The following ARFGEF1 variants were observed in gnomAD, a reference collection of about 807,000 sequenced individuals.
ARFGEF1 encodes the protein brefeldin A-inhibited guanine nucleotide-exchange protein 1.
ARFGEF1 carries 42 observed loss-of-function variants against 231.0 expected under a neutral mutation model. The observed-to-expected ratio is 0.18, with a 90% CI of 0.14 to 0.24. The LOEUF is 0.24. Ranked by LOEUF, ARFGEF1 falls within the 10% of genes least tolerant of loss-of-function variation. ARFGEF1 has a pLI of 1.00. For missense variants in ARFGEF1, 1,345 were observed against 2,192.0 expected (o/e 0.61, Z 7.72); for synonymous variants, 710 against 732.3 (o/e 0.97, Z 0.49).
rs116707564 is a variant in ARFGEF1, at chr8:67,296,599, A to G, written c.471T>C (p.Thr157=). 3.0e-4 allele frequency: 475 copies of G among 1,603,702 alleles called. 2 individuals carry two copies. In the African/African-American group the frequency reaches 5.4e-3, roughly 18 times the overall value. The change falls in exon 5 of 39, where the codon ACT becomes ACC. Residue 157 remains threonine (T), a synonymous_variant. Transcript: ENST00000262215. The stretch of plus-strand genomic sequence containing the variant: ...TTTCTATGTGTTGTGATGTTACTGC[A>G]GTAAGTAAAGCCTTTAAGAAAAAAA... ...VQLQIIKALL[T]AVTSQHIEIH...
In ARFGEF1 at chr8:67,198,744, T is replaced by A; in HGVS notation, c.*190A>T. The A allele has an allele frequency of 1.4e-6, 2 of 1,380,758 alleles. No individual in the cohort carries two copies. The highest frequency in any genetic ancestry group is 1.9e-6 in the Non-Finnish European group (2 of 1,070,778). 85.5% of individuals were successfully genotyped at this position (1,380,758 alleles called of 1,614,324 possible). A position where few individuals can be genotyped will look rare whatever the true frequency, so the allele number is the denominator to read the frequency against. On this transcript the variant is annotated 3_prime_UTR_variant, in exon 39 of 39. Transcript: ENST00000262215. ...CTTTCTGCTCAACATGAGGCCAATA[T>A]AACACACAAAATCCACCAGCACTAA...
At chr8:67,338,040 ATATTTCCCCAAAT>A (rs1346822237) in intron 1 of ARFGEF1, among the ~76,000 whole-genome samples, 1 of 152,224 alleles carries the variant, frequency 6.6e-6, no homozygotes, top group East Asian at 1.9e-4. Context: ...ATTATGACAA[ATATTTCCCCAAAT>A]TATTTCCCAT....
At chr8:67,197,280 C>CT (rs1480476035), downstream of ARFGEF1, among the ~76,000 whole-genome samples, 1 of 151,210 alleles carries the variant, frequency 6.6e-6, no homozygotes, top group Non-Finnish European at 1.5e-5. Flanking sequence ...GATCCCATCT[C>CT]TAAAAAAAAA....
At chr8:67,192,803 C>T (rs187200769), downstream of ARFGEF1, among the ~76,000 whole-genome samples, 195 of 151,406 alleles carry the variant, frequency 1.3e-3, no homozygotes, top group African/African-American at 3.9e-3. Context: ...CGTCCATAAA[C>T]GTAAGGATTT....
Position 67,238,910 on chromosome 8 carries a change from AG to A in ARFGEF1, c.2980-18del. 2 of 1,610,090 alleles carry A rather than the reference AG, an allele frequency of 1.2e-6. No individual in the cohort carries two copies. Among genetic ancestry groups the A allele is most frequent in the Non-Finnish European group, 1.7e-6 (2 of 1,176,810 alleles). On this transcript the variant is annotated intron_variant, in intron 20 of 38. Coordinates refer to ENST00000262215, the MANE Select transcript of ARFGEF1 (RefSeq NM_006421.5). ...TCTCTCCAGCTATAAAAAAGAGAAA[AG>A]TATGTTTACACAGTTCTAAATAGAG...
intron 22 of ARFGEF1, among the ~76,000 whole-genome samples, chr8:67,236,349 TAAAAAAAA>T (rs1554638965): frequency 1.4e-4 from 2 of 13,958 alleles, no homozygotes; most frequent in African/African-American, 2.4e-4. Flanking sequence ...AGATATTAGT[TAAAAAAAA>T]AAAAAAAAAT....
At chr8:67,265,969 T>C (rs754948472) in intron 14 of ARFGEF1, 37 bp downstream of exon 14, 7 of 1,597,288 alleles carry the variant, frequency 4.4e-6, no homozygotes, top group Non-Finnish European at 5.1e-6. Flanking sequence ...GGCAGAGAGA[T>C]ATTCAATAAC....
At position 67,343,129 on chromosome 8, in the gene ARFGEF1, A is replaced by T. The variant is rs769718497; in HGVS notation, c.124+35T>A. The stretch of plus-strand genomic sequence containing the variant: ...GGCGCCCCCCTCCCCGCCCCACAAC[A>T]AGCACCCCATCCCCCGGGCCTCCTC... On this transcript the variant is annotated intron_variant, in intron 1 of 38. Coordinates refer to ENST00000262215, the MANE Select transcript of ARFGEF1 (RefSeq NM_006421.5). The T allele has an allele frequency of 2.2e-5, 13 of 580,700 alleles. No individual in the cohort carries two copies. The South Asian group carries it at 3.3e-4, about 15-fold the overall frequency. The allele number at this position is 580,700 out of a possible 1,614,324, so 36.0% of individuals were successfully genotyped here.
chr8:67,287,387 C>T (rs989149651), intron 7 of ARFGEF1, among the ~76,000 whole-genome samples: 1 of 152,180 alleles, frequency 6.6e-6, no homozygotes, highest in African/African-American at 2.4e-5. Flanking sequence ...ACATTTGGAG[C>T]ATGTACCTGA....
chr8:67,227,360 A>G, intron 26 of ARFGEF1, 51 bp from the exon 27 acceptor site: 1 of 1,598,384 alleles, frequency 6.3e-7, no homozygotes, highest in South Asian at 1.1e-5. Context: ...AAAACTCATC[A>G]GTTTTTCCCC....
chr8:67,297,565 T>A (rs1255178158), intron 4 of ARFGEF1, among the ~76,000 whole-genome samples: 1 of 151,968 alleles, frequency 6.6e-6, no homozygotes, highest in Non-Finnish European at 1.5e-5. Context: ...GGCAACAGAG[T>A]GAGACTGTCC....
intron 1 of ARFGEF1, among the ~76,000 whole-genome samples, chr8:67,323,182 G>A (rs1807674406): frequency 6.6e-6 from 1 of 152,146 alleles, no homozygotes; most frequent in African/African-American, 2.4e-5. Flanking sequence ...AATCCAGGAG[G>A]TGGAGGTTGC....
chr8:67,233,689 TC>T (rs1471685709), intron 22 of ARFGEF1, among the ~76,000 whole-genome samples: 1 of 151,988 alleles, frequency 6.6e-6, no homozygotes, highest in Non-Finnish European at 1.5e-5. Context: ...CTTCAATCTC[TC>T]TTTCATCCCC....
chr8:67,229,861 T>C (rs1212683073), intron 23 of ARFGEF1, among the ~76,000 whole-genome samples: 4 of 151,914 alleles, frequency 2.6e-5, no homozygotes, highest in Non-Finnish European at 5.9e-5. Context: ...AGTTTTTAAC[T>C]GAGAAGAAAG....
intron 5 of ARFGEF1, among the ~76,000 whole-genome samples, chr8:67,292,521 A>G (rs1299911725): frequency 6.6e-6 from 1 of 152,136 alleles, no homozygotes; most frequent in African/African-American, 2.4e-5. Flanking sequence ...GTGGGAGGCA[A>G]CTTTTCAGTG....
rs540105818 is a variant in ARFGEF1 at position 67,197,766 on chromosome 8, C to T, written c.*1168G>A. ...ACAGAAAGTTGTACAGAATTTTTTA[C>T]ATAGAAAACTTTACATCTGTACCAT... is the stretch of plus-strand genomic sequence containing the variant. On this transcript the variant is annotated 3_prime_UTR_variant, in exon 39 of 39. Transcript: ENST00000262215. 5 of 985,810 alleles carry T rather than the reference C, an allele frequency of 5.1e-6. No homozygotes were observed. Among genetic ancestry groups the T allele is most frequent in the Middle Eastern group, 1.0e-3 (2 of 1,914 alleles). 61.1% of individuals were successfully genotyped at this position (985,810 alleles called of 1,614,324 possible).
At chr8:67,203,004 C>T in intron 36 of ARFGEF1, 79 bp downstream of exon 36, 1 of 1,429,444 alleles carries the variant, frequency 7.0e-7, no homozygotes, top group Non-Finnish European at 9.5e-7. Context: ...AGCAGACAGT[C>T]AATGAGTTCT....
chr8:67,198,052 GT>G lies in ARFGEF1; in HGVS notation c.*881del, dbSNP rs1437225908. ...CTGGATTCATTTTGCAGTGATTCAA[GT>G]TTTGGTCCATAAAGGATCATTCTAT... is the stretch of plus-strand genomic sequence containing the variant. On this transcript the variant is annotated 3_prime_UTR_variant, in exon 39 of 39. Coordinates refer to ENST00000262215, the MANE Select transcript of ARFGEF1 (RefSeq NM_006421.5). 6.1e-6 allele frequency: 6 copies of G among 985,726 alleles called. No homozygotes were observed. Among genetic ancestry groups the G allele is most frequent in the Non-Finnish European group, 7.2e-6 (6 of 829,934 alleles). The allele number at this position is 985,726 out of a possible 1,614,324, so 61.1% of individuals were successfully genotyped here.
intron 9 of ARFGEF1, among the ~76,000 whole-genome samples, chr8:67,275,528 C>T (rs1805276707): frequency 1.3e-5 from 2 of 151,906 alleles, no homozygotes; most frequent in South Asian, 4.1e-4. Flanking sequence ...GTTTTAGTAC[C>T]TTTTGACTGG....
Sources: gnomAD v4.1 joint callset for allele counts (sites outside exome capture counted in the v4.1 genomes callset) on GRCh38, gnomAD v4.1.1 for gene constraint, MANE v1.5 for transcripts, NCBI Gene and HGNC (gene_info 2026-07-23, HGNC 2026-07-21) for gene names.